The following DNAJC13 variants were observed in gnomAD, a reference collection of about 807,000 sequenced individuals.
The protein encoded by DNAJC13 is dnaJ homolog subfamily C member 13.
DNAJC13 carries 75 observed loss-of-function variants against 290.5 expected under a neutral mutation model. The ratio of observed to expected loss-of-function variants is 0.26; its 90% CI spans 0.21 to 0.31. The LOEUF is 0.31. Ranked by LOEUF, DNAJC13 falls within the 10% of genes least tolerant of loss-of-function variation. The probability of loss-of-function intolerance (pLI) is 1.00; values close to 1 mark genes in which losing one functional copy is unlikely to be tolerated. For missense variants in DNAJC13, 2,260 were observed against 2,674.5 expected (o/e 0.85, Z 3.42); for synonymous variants, 862 against 892.0 (o/e 0.97, Z 0.60).
Position 132,492,449 on chromosome 3 carries a change from C to T in DNAJC13, c.3659C>T (p.Ala1220Val), listed in dbSNP as rs575026402. The change falls in exon 33 of 56, where the codon GCG becomes GTG. Residue 1220 changes from alanine to valine, a missense_variant. By Grantham distance (64) the Ala-to-Val change is moderately conservative. Coordinates refer to ENST00000260818, the MANE Select transcript of DNAJC13 (RefSeq NM_015268.4). ...LMIEKIAAHLADFTPRLQSNT... is the reference protein window; with the variant it reads ...LMIEKIAAHLVDFTPRLQSNT... ...ATAGAGAAGATTGCTGCCCATCTCG[C>T]GGATTTCACACCTCGTCTTCAGAGT... 8.7e-5 allele frequency: 140 copies of T among 1,613,814 alleles called. 1 individual carries two copies. The highest frequency in any genetic ancestry group is 3.3e-4 in the Admixed American group (20 of 59,998).
chr3:132,488,263 T>C, intron 29 of DNAJC13, 35 bp from the exon 30 acceptor site: 2 of 1,549,832 alleles, frequency 1.3e-6, no homozygotes, highest in Non-Finnish European at 1.7e-6. Context: ...GCAGGTTTTT[T>C]ACAACCCAAT....
chr3:132,510,375 G>A (rs1051633125), intron 43 of DNAJC13, among the ~76,000 whole-genome samples: 2 of 152,122 alleles, frequency 1.3e-5, no homozygotes, highest in African/African-American at 4.8e-5. Context: ...CATATAGGGA[G>A]TTTTTGCTTT....
chr3:132,434,518 C>G lies in DNAJC13; in HGVS notation c.-13-20C>G, dbSNP rs371828302. The G allele has an allele frequency of 6.4e-7, 1 of 1,564,566 alleles. No individual in the cohort carries two copies. Among genetic ancestry groups the G allele is most frequent in the Non-Finnish European group, 8.8e-7 (1 of 1,141,786 alleles). On this transcript the variant is annotated intron_variant, in intron 1 of 55. Coordinates refer to ENST00000260818, the MANE Select transcript of DNAJC13 (RefSeq NM_015268.4). ...AGATATATAACATGTACTAAGTGCCCTCATATTTTTATCTTCCAGGTTTGA... is the reference window on the plus strand; with the variant it reads ...AGATATATAACATGTACTAAGTGCCGTCATATTTTTATCTTCCAGGTTTGA...
intron 17 of DNAJC13, 146 bp from the exon 18 acceptor site, chr3:132,465,848 AT>A: frequency 1.8e-6 from 1 of 554,848 alleles, no homozygotes; most frequent in Non-Finnish European, 3.2e-6. Context: ...TCCACATTAA[AT>A]TTTTTAATAA....
Position 132,488,521 on chromosome 3 carries a change from T to C in DNAJC13, c.3422+69T>C. ...TTTATATGGACTGATTTAATTGAAT[T>C]ATTTGTGAGTACCTTATTGCTTTTA... On this transcript the variant is annotated intron_variant, in intron 30 of 55. Transcript: ENST00000260818. 2.2e-6 allele frequency: 3 copies of C among 1,368,588 alleles called. No homozygotes were observed. The Admixed American group carries it at 6.8e-5, about 31-fold the overall frequency. 84.8% of individuals were successfully genotyped at this position (1,368,588 alleles called of 1,614,324 possible). A position where few individuals can be genotyped will look rare whatever the true frequency, so the allele number is the denominator to read the frequency against.
intron 55 of DNAJC13, among the ~76,000 whole-genome samples, chr3:132,533,555 C>T (rs1484733322): frequency 1.3e-5 from 2 of 151,822 alleles, no homozygotes; most frequent in Admixed American, 1.3e-4. Context: ...AGGCTGGTCT[C>T]GGACTCCTGA....
chr3:132,466,477 A>G, intron 19 of DNAJC13, 83 bp downstream of exon 19: 1 of 1,182,670 alleles, frequency 8.5e-7, no homozygotes, highest in Non-Finnish European at 1.1e-6. Context: ...CACGTTAAAA[A>G]TTTTAGAAAC....
intron 55 of DNAJC13, among the ~76,000 whole-genome samples, chr3:132,534,326 G>A (rs1187296767): frequency 6.6e-6 from 1 of 152,112 alleles, no homozygotes; most frequent in Admixed American, 6.6e-5. Flanking sequence ...GTCAGTTGCT[G>A]GAAATTTTTT....
At position 132,456,488 on chromosome 3, in the gene DNAJC13, A is replaced by C. The variant is rs1933602589; in HGVS notation, c.1100-13A>C. The stretch of plus-strand genomic sequence containing the variant: ...TTCGTATCTTCTTTTTGAACCTCTT[A>C]ATCTCTTTACAGATGGCAACTTTGC... On this transcript the variant is annotated splice_polypyrimidine_tract_variant and intron_variant, in intron 10 of 55. Transcript: ENST00000260818. 1.2e-6 allele frequency: 2 copies of C among 1,612,594 alleles called. No homozygotes were observed. The highest frequency in any genetic ancestry group is 1.7e-6 in the Non-Finnish European group (2 of 1,179,480).
At chr3:132,420,037 T>C (rs1017424432) in intron 1 of DNAJC13, among the ~76,000 whole-genome samples, 5 of 152,250 alleles carry the variant, frequency 3.3e-5, no homozygotes, top group Non-Finnish European at 5.9e-5. Context: ...ATTAAAGAGC[T>C]GAGTCCACAG....
chr3:132,535,633 A>T (rs1936567676), intron 55 of DNAJC13, among the ~76,000 whole-genome samples: 1 of 152,148 alleles, frequency 6.6e-6, no homozygotes, highest in South Asian at 2.1e-4. Context: ...TGCTTCTAGG[A>T]GCCAGAATTG....
At chr3:132,482,695 TA>T (rs1285039360) in intron 27 of DNAJC13, among the ~76,000 whole-genome samples, 2 of 151,722 alleles carry the variant, frequency 1.3e-5, no homozygotes, top group African/African-American at 4.8e-5. Context: ...CTATCTTTGT[TA>T]AAATAAAAAA....
intron 46 of DNAJC13, 193 bp downstream of exon 46, chr3:132,514,863 A>T: frequency 2.1e-6 from 1 of 484,490 alleles, no homozygotes; most frequent in Non-Finnish European, 3.6e-6. Flanking sequence ...AAAAGTTGAA[A>T]GTTGGGGGTG....
intron 16 of DNAJC13, among the ~76,000 whole-genome samples, chr3:132,463,004 T>G (rs1933853858): frequency 6.6e-6 from 1 of 152,244 alleles, no homozygotes. Context: ...TTAAGATAGT[T>G]GCTTTATGCT....
chr3:132,426,608 T>C (rs781402322), intron 1 of DNAJC13, among the ~76,000 whole-genome samples: 13 of 152,190 alleles, frequency 8.5e-5, no homozygotes, highest in Non-Finnish European at 1.6e-4. Flanking sequence ...GTTACTGATA[T>C]TACCTGCTTG....
In DNAJC13 at chr3:132,421,294, A is replaced by T. The variant is rs937592011; in HGVS notation, c.-14+3534A>T. The stretch of plus-strand genomic sequence containing the variant: ...AAATGTGACATTTTCATTATGCTCA[A>T]ATTGTTCAGTAATACACCAATCCTG... On this transcript the variant is annotated intron_variant, in intron 1 of 55. Coordinates refer to ENST00000260818, the MANE Select transcript of DNAJC13 (RefSeq NM_015268.4). 2.0e-5 allele frequency among the ~76,000 whole-genome samples: 3 copies of T among 152,242 alleles called. No individual in the cohort carries two copies. In the East Asian group the frequency reaches 5.8e-4, roughly 29 times the overall value.
Position 132,477,828 on chromosome 3 carries a change from G to T in DNAJC13, c.2485G>T (p.Asp829Tyr). Residue 829 changes from aspartate to tyrosine, a missense_variant, in exon 23 of 56, where the codon GAC becomes TAC. This residue lies in a region of DNAJC13 where 1,494 missense variants were observed against 1,693.7 expected (regional missense o/e 0.88). Coordinates refer to ENST00000260818, the MANE Select transcript of DNAJC13 (RefSeq NM_015268.4). ...ECLAEEIKIG[D>Y]YYLRLLLEED... ...CCTGGCAGAGGAAATTAAAATAGGAGACTATTACCTGAGATTACTATTGGA... is the reference window on the plus strand; with the variant it reads ...CCTGGCAGAGGAAATTAAAATAGGATACTATTACCTGAGATTACTATTGGA... 1 of 1,613,042 alleles carries T rather than the reference G, an allele frequency of 6.2e-7. No individual in the cohort carries two copies. The highest frequency in any genetic ancestry group is 1.1e-5 in the South Asian group (1 of 90,824).
intron 55 of DNAJC13, among the ~76,000 whole-genome samples, chr3:132,531,414 C>A (rs1479118788): frequency 6.6e-6 from 1 of 152,178 alleles, no homozygotes; most frequent in Non-Finnish European, 1.5e-5. Context: ...TAAATATCTG[C>A]TGAGGAATAT....
rs537866031 is a variant in DNAJC13, at chr3:132,531,603, C to T, written c.6625+506C>T. Among the ~76,000 whole-genome samples the T allele has an allele frequency of 5.8e-4, 88 of 152,254 alleles. 2 individuals carry two copies. The South Asian group carries it at 0.018, about 31-fold the overall frequency. On this transcript the variant is annotated intron_variant, in intron 55 of 55. Transcript: ENST00000260818. Reference sequence around the variant, plus strand: ...ACGAGGTCAGGAGATCGAGACCATCCTGTCTAACACAGTGAAACCCCATCT... The same window carrying T: ...ACGAGGTCAGGAGATCGAGACCATCTTGTCTAACACAGTGAAACCCCATCT...
Sources: gnomAD v4.1 joint callset for allele counts (sites outside exome capture counted in the v4.1 genomes callset) on GRCh38, gnomAD v4.1.1 for gene constraint, gnomAD v4.1.1 regional missense constraint, MANE v1.5 for transcripts, NCBI Gene and HGNC (gene_info 2026-07-23, HGNC 2026-07-21) for gene names.